Variants in ADGRL4 observed in about 807,000 individuals in gnomAD.
ADGRL4 encodes the protein adhesion G protein-coupled receptor L4.
Under a neutral mutation model 74.8 loss-of-function variants are expected in ADGRL4, and 90 were observed. The observed-to-expected ratio is 1.20, with a 90% CI of 1.02 to 1.43. ADGRL4 has a LOEUF of 1.43. ADGRL4 is among the 40% of genes most tolerant of loss of function. The pLI is 0.00. For synonymous variants in ADGRL4, 311 were observed against 279.2 expected, an observed-to-expected ratio of 1.11 and a Z score of -1.14; for missense variants, 881 against 814.3, an observed-to-expected ratio of 1.08 and a Z score of -1.00.
chr1:78,971,267 G>T lies in ADGRL4; in HGVS notation c.173-24841C>A, dbSNP rs146067516. On this transcript the variant is annotated intron_variant, in intron 2 of 14. Transcript: ENST00000370742. ...CTTATCCTTATTCTGACAGCAGTTA[G>T]ATATACTTCTTTTTTTTATTATTAT... Among the ~76,000 whole-genome samples the T allele has an allele frequency of 1.4e-3, 220 of 152,240 alleles. 3 individuals carry two copies. Among genetic ancestry groups the T allele is most frequent in the African/African-American group, 5.2e-3 (214 of 41,552 alleles).
At chr1:78,929,553 C>G (rs1005737455) in intron 7 of ADGRL4, among the ~76,000 whole-genome samples, 1 of 151,264 alleles carries the variant, frequency 6.6e-6, no homozygotes, top group Admixed American at 6.6e-5. Flanking sequence ...CTGCATAGAC[C>G]TCCTATATTT....
At chr1:78,999,320 T>C (rs1650786872) in intron 2 of ADGRL4, among the ~76,000 whole-genome samples, 1 of 152,200 alleles carries the variant, frequency 6.6e-6, no homozygotes, top group South Asian at 2.1e-4. Context: ...AAGTGCTATC[T>C]CTGCTATTTC....
chr1:78,903,975 AAATAAT>A (rs1289686508), intron 12 of ADGRL4, among the ~76,000 whole-genome samples: 5 of 108,050 alleles, frequency 4.6e-5, no homozygotes, highest in African/African-American at 9.5e-5. Flanking sequence ...ATAAATAAAT[AAATAAT>A]AATAATAATA....
At chr1:78,959,540 G>C (rs1362552196) in intron 2 of ADGRL4, among the ~76,000 whole-genome samples, 1 of 152,180 alleles carries the variant, frequency 6.6e-6, no homozygotes, top group Admixed American at 6.5e-5. Flanking sequence ...CATGTCTCCA[G>C]TCTGACCTGT....
chr1:78,953,054 T>C (rs1462831612), intron 2 of ADGRL4, among the ~76,000 whole-genome samples: 2 of 152,126 alleles, frequency 1.3e-5, no homozygotes. Context: ...ACTATTAATA[T>C]ACACATATTA....
chr1:78,997,051 A>G (rs1029081596), intron 2 of ADGRL4, among the ~76,000 whole-genome samples: 6 of 152,214 alleles, frequency 3.9e-5, no homozygotes, highest in African/African-American at 1.4e-4. Flanking sequence ...TGACATTTCA[A>G]TGTAAAAATC....
chr1:78,946,514 T>TTTG, intron 2 of ADGRL4, 88 bp from the exon 3 acceptor site: 2 of 1,115,504 alleles, frequency 1.8e-6, no homozygotes, highest in Non-Finnish European at 2.5e-6. Context: ...ATATTGACTG[T>TTTG]TAGATAGTTT....
At chr1:79,004,267 T>TTCTCTC (rs77039476) in intron 2 of ADGRL4, among the ~76,000 whole-genome samples, 2 of 150,466 alleles carry the variant, frequency 1.3e-5, no homozygotes, top group South Asian at 2.1e-4. Flanking sequence ...CCTAGTACTT[T>TTCTCTC]TCTCTCTCTC....
At chr1:78,968,507 G>T (rs1305729927) in intron 2 of ADGRL4, among the ~76,000 whole-genome samples, 8 of 141,520 alleles carry the variant, frequency 5.7e-5, no homozygotes, top group Admixed American at 1.4e-4. Flanking sequence ...GGGCGGTGGG[G>T]GGGTGGGGGG....
intron 6 of ADGRL4, among the ~76,000 whole-genome samples, chr1:78,937,406 C>G (rs1649377909): frequency 6.6e-6 from 1 of 152,194 alleles, no homozygotes; most frequent in African/African-American, 2.4e-5. Flanking sequence ...GATTGCGCCA[C>G]TGCACTCCAG....
At position 78,937,956 on chromosome 1, in the gene ADGRL4, CT is replaced by C; in HGVS notation, c.610del (p.Arg204GlyfsTer5). 1 of 1,608,770 alleles carries C rather than the reference CT, an allele frequency of 6.2e-7. No homozygotes were observed. The highest frequency in any genetic ancestry group is 8.5e-7 in the Non-Finnish European group (1 of 1,178,756). ...CTTGTCCCAAACTACAAATGTATCC[CT>C]TTGAACAAAATTATTCACGGTTTTT... ...FVKTVNNFVQ[R>X]DTFVVWDKLS... On this transcript the variant is annotated frameshift_variant, in exon 6 of 15. Coordinates refer to ENST00000370742, the MANE Select transcript of ADGRL4 (RefSeq NM_022159.4). LOFTEE classifies it high-confidence loss of function.
chr1:78,942,935 G>GATA (rs1243216367), intron 3 of ADGRL4, among the ~76,000 whole-genome samples: 2 of 151,496 alleles, frequency 1.3e-5, no homozygotes, highest in Admixed American at 6.6e-5. Context: ...CAAAAATAAT[G>GATA]ATAATAATAA....
In ADGRL4 at chr1:78,936,427, G is replaced by T; in HGVS notation, c.761-16C>A. 2 of 1,547,862 alleles carry T rather than the reference G, an allele frequency of 1.3e-6. No individual in the cohort carries two copies. The highest frequency in any genetic ancestry group is 1.7e-6 in the Non-Finnish European group (2 of 1,150,334). On this transcript the variant is annotated splice_polypyrimidine_tract_variant and intron_variant, in intron 6 of 14. Transcript: ENST00000370742. ...ACTTTGAGAGCTGAAACAAAACCAT[G>T]AAAATAAAAAAAGTGAAATTACTTT...
At chr1:78,945,881 C>G (rs549909330) in intron 3 of ADGRL4, among the ~76,000 whole-genome samples, 20 of 152,230 alleles carry the variant, frequency 1.3e-4, no homozygotes, top group Admixed American at 1.1e-3. Context: ...GAACCCATCA[C>G]AGAGTGCATA....
At chr1:78,927,979 T>C (rs1649154811) in intron 7 of ADGRL4, among the ~76,000 whole-genome samples, 1 of 147,234 alleles carries the variant, frequency 6.8e-6, no homozygotes, top group Admixed American at 6.6e-5. Context: ...TATGACATTG[T>C]TGGGCTAGTG....
chr1:79,006,597 C>G, intron 1 of ADGRL4, 36 bp downstream of exon 1: 4 of 1,533,470 alleles, frequency 2.6e-6, no homozygotes, highest in Non-Finnish European at 2.6e-6. Flanking sequence ...TTGGTCCCTC[C>G]GACGACCTCG....
At chr1:78,995,864 A>T (rs1468865007) in intron 2 of ADGRL4, among the ~76,000 whole-genome samples, 1 of 152,180 alleles carries the variant, frequency 6.6e-6, no homozygotes, top group Admixed American at 6.6e-5. Context: ...AAATTTGAAG[A>T]CTTTAGCAAA....
chr1:78,992,068 T>C (rs1412693885), intron 2 of ADGRL4, among the ~76,000 whole-genome samples: 3 of 152,072 alleles, frequency 2.0e-5, no homozygotes, highest in African/African-American at 7.2e-5. Context: ...GTTTTCTCCC[T>C]GATAGCATTT....
chr1:78,953,113 A>G (rs1468247800), intron 2 of ADGRL4, among the ~76,000 whole-genome samples: 1 of 152,200 alleles, frequency 6.6e-6, no homozygotes, highest in Non-Finnish European at 1.5e-5. Context: ...ATGAAATGAA[A>G]CAATCTTATG....
Sources: allele counts gnomAD v4.1 joint callset (sites outside exome capture counted in the v4.1 genomes callset), GRCh38; gene constraint gnomAD v4.1.1; transcripts MANE v1.5; gene names NCBI Gene and HGNC (gene_info 2026-07-23, HGNC 2026-07-21).